Variants in SERPINE3 observed in about 807,000 individuals in gnomAD.
SERPINE3 encodes the protein serpin E3.
SERPINE3 carries 43 observed loss-of-function variants against 41.7 expected under a neutral mutation model. The ratio of observed to expected loss-of-function variants is 1.03; its 90% CI spans 0.81 to 1.33. SERPINE3 has a LOEUF of 1.33. Ranked by LOEUF, SERPINE3 falls within the 40% of genes most tolerant of loss-of-function variation. SERPINE3 has a pLI of 0.00. For missense variants in SERPINE3, 440 were observed against 491.7 expected (o/e 0.89, Z 0.99); for synonymous variants, 200 against 192.2 (o/e 1.04, Z -0.34).
In SERPINE3 at chr13:51,361,819, T is replaced by TA. The variant is rs780993381; in HGVS notation, c.1098dup (p.Leu367IlefsTer10). ...TCTTTCTTTCCTGCAGCTCTGTTGTTATTGAAAAGGTCTCGGATTCCTATT... is the reference window on the plus strand; with the variant it reads ...TCTTTCTTTCCTGCAGCTCTGTTGTTAATTGAAAAGGTCTCGGATTCCTATT... On this transcript the variant is annotated frameshift_variant, in exon 9 of 10. Coordinates refer to ENST00000681248, the MANE Select transcript of SERPINE3 (RefSeq NM_001386375.1). LOFTEE classifies it high-confidence loss of function. 5.6e-6 allele frequency: 9 copies of TA among 1,604,674 alleles called. No individual in the cohort carries two copies. Among genetic ancestry groups the TA allele is most frequent in the Non-Finnish European group, 6.8e-6 (8 of 1,176,956 alleles).
At chr13:51,341,935 G>A (rs1409119182) in intron 3 of SERPINE3, among the ~76,000 whole-genome samples, 3 of 152,160 alleles carry the variant, frequency 2.0e-5, no homozygotes, top group Non-Finnish European at 2.9e-5. Context: ...TTATAAATCT[G>A]TGACTTCTAG....
In SERPINE3 at chr13:51,344,431, G is replaced by A. The variant is rs768091301; in HGVS notation, c.436G>A (p.Glu146Lys). ...CAGCCTGGAACCAGCCGACCTCAGT[G>A]AGCCCAATAGCACCGCCATCCAGAC... is the stretch of plus-strand genomic sequence containing the variant. ...NSSLEPADLS[E>K]PNSTAIQTSE... The change falls in exon 4 of 10, where the codon GAG becomes AAG. Residue 146 changes from glutamate (E) to lysine (K), a missense_variant. Transcript: ENST00000681248. 5.6e-6 allele frequency: 9 copies of A among 1,607,626 alleles called. No individual in the cohort carries two copies. Among genetic ancestry groups the A allele is most frequent in the African/African-American group, 2.7e-5 (2 of 74,772 alleles).
rs372548765 is a variant in SERPINE3, at chr13:51,361,245, G to A, written c.1001-33G>A. 41 of 1,380,290 alleles carry A rather than the reference G, an allele frequency of 3.0e-5. No individual in the cohort carries two copies. In the African/African-American group the frequency reaches 5.8e-4, roughly 20 times the overall value. The allele number at this position is 1,380,290 out of a possible 1,614,324, so 85.5% of individuals were successfully genotyped here. A position where few individuals can be genotyped will look rare whatever the true frequency, so the allele number is the denominator to read the frequency against. ...AAATGTGTTAGAAAAATGTTAATGA[G>A]CAACTCACATTTTTATCATTTTCTG... On this transcript the variant is annotated intron_variant, in intron 7 of 9. Transcript: ENST00000681248.
chr13:51,364,347 C>A lies in SERPINE3; in HGVS notation c.*65C>A. On this transcript the variant is annotated 3_prime_UTR_variant, in exon 10 of 10. Transcript: ENST00000681248. ...AGTTATAATTTCATTTTGCTATACC[C>A]TTGAAATTTAAAAAAATGTCTGATA... The A allele has an allele frequency of 1.1e-6, 1 of 911,712 alleles. No homozygotes were observed. The highest frequency in any genetic ancestry group is 1.6e-6 in the Non-Finnish European group (1 of 624,062). The allele number at this position is 911,712 out of a possible 1,614,324, so 56.5% of individuals were successfully genotyped here. A position where few individuals can be genotyped will look rare whatever the true frequency, so the allele number is the denominator to read the frequency against.
intron 7 of SERPINE3, among the ~76,000 whole-genome samples, chr13:51,360,448 A>T (rs2137824420): frequency 6.6e-6 from 1 of 152,126 alleles, no homozygotes; most frequent in South Asian, 2.1e-4. Flanking sequence ...TGATTTCCTA[A>T]GTTTCTTCTG....
At position 51,347,104 on chromosome 13, in the gene SERPINE3, C is replaced by T; in HGVS notation, c.570C>T (p.Ser190=). 2 of 1,611,164 alleles carry T rather than the reference C, an allele frequency of 1.2e-6. No individual in the cohort carries two copies. The highest frequency in any genetic ancestry group is 1.7e-6 in the Non-Finnish European group (2 of 1,178,724). The change falls in exon 5 of 10, where the codon AGC becomes AGT. Residue 190 remains serine (S), a synonymous_variant. Transcript: ENST00000681248. ...SAAFAQLVLV[S]TMSFQGTWRK... ...CATTTGCTCAGCTTGTGCTTGTGAGCACCATGTCCTTCCAAGGCACTTGGC... is the reference window on the plus strand; with the variant it reads ...CATTTGCTCAGCTTGTGCTTGTGAGTACCATGTCCTTCCAAGGCACTTGGC...
intron 4 of SERPINE3, 105 bp from the exon 5 acceptor site, chr13:51,346,920 G>A: frequency 3.9e-6 from 3 of 772,362 alleles, no homozygotes; most frequent in Non-Finnish European, 6.5e-6. Flanking sequence ...AAAAAGACCT[G>A]CATTTTCGCA....
At chr13:51,346,963 C>A (rs1360360354) in intron 4 of SERPINE3, 62 bp from the exon 5 acceptor site, 3 of 1,269,970 alleles carry the variant, frequency 2.4e-6, no homozygotes, top group Admixed American at 2.0e-5. Flanking sequence ...CGCACACACA[C>A]TGGGTTCGGT....
At chr13:51,341,420 T>C (rs1955290243) in intron 3 of SERPINE3, 73 bp downstream of exon 3, 2 of 1,372,150 alleles carry the variant, frequency 1.5e-6, no homozygotes, top group Admixed American at 4.1e-5. Context: ...CTCACCCTCC[T>C]GCTCACACTC....
At chr13:51,360,804 C>T (rs1955562739) in intron 7 of SERPINE3, among the ~76,000 whole-genome samples, 2 of 151,946 alleles carry the variant, frequency 1.3e-5, no homozygotes, top group African/African-American at 4.8e-5. Context: ...TTAAAAGTGG[C>T]TCTTAAAGTG....
intron 6 of SERPINE3, among the ~76,000 whole-genome samples, chr13:51,353,476 C>T (rs183794136): frequency 5.9e-5 from 9 of 152,274 alleles, no homozygotes; most frequent in Non-Finnish European, 7.4e-5. Context: ...TAACTTCCCA[C>T]GGAGGTAAAG....
intron 7 of SERPINE3, among the ~76,000 whole-genome samples, chr13:51,356,493 CAG>C (rs1473336179): frequency 6.6e-6 from 1 of 152,174 alleles, no homozygotes. Context: ...TTTTGATGAT[CAG>C]AGTTAAAAAC....
intron 7 of SERPINE3, among the ~76,000 whole-genome samples, chr13:51,355,541 C>T (rs940400626): frequency 1.3e-5 from 2 of 152,126 alleles, no homozygotes; most frequent in African/African-American, 2.4e-5. Flanking sequence ...TCCCTCCTTC[C>T]CAATACCTTC....
chr13:51,358,581 A>G (rs1048438359), intron 7 of SERPINE3, among the ~76,000 whole-genome samples: 4 of 152,144 alleles, frequency 2.6e-5, no homozygotes, highest in Admixed American at 1.3e-4. Flanking sequence ...GGCCATTCGT[A>G]TAGTGGTAAG....
rs753981280 is a variant in SERPINE3, at chr13:51,348,314, A to AC, written c.808dup (p.Leu270ProfsTer33). ...CCTGGTGCTGCCCCGTGACAAAGAC[A>AC]CCCCCCTGAGCCACATCGAGCCACA... On this transcript the variant is annotated frameshift_variant, in exon 6 of 10. Coordinates refer to ENST00000681248, the MANE Select transcript of SERPINE3 (RefSeq NM_001386375.1). LOFTEE classifies it high-confidence loss of function. 6.2e-7 allele frequency: 1 copy of AC among 1,611,158 alleles called. No homozygotes were observed. Among genetic ancestry groups the AC allele is most frequent in the South Asian group, 1.1e-5 (1 of 90,710 alleles).
chr13:51,364,417 TA>T lies in SERPINE3; in HGVS notation c.*140del. The T allele has an allele frequency of 2.0e-6, 1 of 492,110 alleles. No homozygotes were observed. The highest frequency in any genetic ancestry group is 3.5e-6 in the Non-Finnish European group (1 of 283,932). The allele number at this position is 492,110 out of a possible 1,614,324, so 30.5% of individuals were successfully genotyped here. ...TATGTGATTTTCAATATTATAAACC[TA>T]AAAATACTTCAGTTTTTAAATGTTA... On this transcript the variant is annotated 3_prime_UTR_variant, in exon 10 of 10. Transcript: ENST00000681248.
intron 7 of SERPINE3, among the ~76,000 whole-genome samples, chr13:51,360,492 A>G (rs1955556072): frequency 6.6e-6 from 1 of 152,070 alleles, no homozygotes; most frequent in Non-Finnish European, 1.5e-5. Context: ...TGTGTCATCA[A>G]GTATCCTTTC....
At position 51,348,265 on chromosome 13, in the gene SERPINE3, C is replaced by A; in HGVS notation, c.753C>A (p.Tyr251Ter). 6.2e-7 allele frequency: 1 copy of A among 1,608,942 alleles called. No homozygotes were observed. Among genetic ancestry groups the A allele is most frequent in the Non-Finnish European group, 8.5e-7 (1 of 1,177,782 alleles). The change falls in exon 6 of 10, where the codon TAC becomes TAA. Residue 251 changes from tyrosine to a stop codon, truncating the protein, a stop_gained. Coordinates refer to ENST00000681248, the MANE Select transcript of SERPINE3 (RefSeq NM_001386375.1). LOFTEE classifies it high-confidence loss of function. ...AGGTGGGGGTGCTGGAGCTTCCTTA[C>A]CTGGGAAGTGCAGTGAGTCTGTTCC... The part of the protein sequence containing the change: ...GHQVGVLELP[Y>*]LGSAVSLFLV...
In SERPINE3 at chr13:51,344,498, T is replaced by C. The variant is rs1004786405; in HGVS notation, c.490+13T>C. On this transcript the variant is annotated intron_variant, in intron 4 of 9. Coordinates refer to ENST00000681248, the MANE Select transcript of SERPINE3 (RefSeq NM_001386375.1). ...AGAGAGACTGCAGGTAAAAGAAAAC[T>C]GTACATTTCAACAAGGCTAAGGCAG... 2.0e-5 allele frequency: 31 copies of C among 1,547,580 alleles called. No individual in the cohort carries two copies. The highest frequency in any genetic ancestry group is 5.8e-5 in the Admixed American group (3 of 51,732).
Sources: allele counts gnomAD v4.1 joint callset (sites outside exome capture counted in the v4.1 genomes callset), GRCh38; gene constraint gnomAD v4.1.1; transcripts MANE v1.5; gene names NCBI Gene and HGNC (gene_info 2026-07-23, HGNC 2026-07-21).